DLG2: variants seen among roughly 807,000 people sequenced by gnomAD.
The protein encoded by DLG2 is disks large homolog 2.
In DLG2, 45 loss-of-function variants were observed where a neutral mutation model predicts 132.5. The ratio of observed to expected loss-of-function variants is 0.34; its 90% confidence interval spans 0.27 to 0.44. The LOEUF is 0.44. DLG2 is among the 20% of genes least tolerant of loss of function. The pLI is 1.00. For missense variants in DLG2, 1,045 were observed against 1,196.9 expected (o/e 0.87, Z 1.87); for synonymous variants, 424 against 419.6 (o/e 1.01, Z -0.13).
At chr11:83,942,543 A>C (rs192839168) in intron 14 of DLG2, among the ~76,000 whole-genome samples, 17 of 152,332 alleles carry the variant, frequency 1.1e-4, no homozygotes, top group Admixed American at 3.3e-4. Flanking sequence ...AATGACATTA[A>C]GAATTATTAA....
At chr11:85,366,991 T>C (rs2084608829) in intron 3 of DLG2, among the ~76,000 whole-genome samples, 1 of 152,154 alleles carries the variant, frequency 6.6e-6, no homozygotes, top group Non-Finnish European at 1.5e-5. Context: ...TTTTTTATAG[T>C]ATACTTCCAG....
In DLG2 at chr11:84,861,642, A is replaced by AAAC. The variant is rs796104098; in HGVS notation, c.357+250018_357+250019insGTT. Among the ~76,000 whole-genome samples, 274 of 128,316 alleles carry AAAC rather than the reference A, an allele frequency of 2.1e-3. 4 individuals are homozygous for AAAC. In the East Asian group the frequency reaches 0.035, roughly 16 times the overall value. The allele number at this position is 128,316 out of a possible 152,430, so 84.2% of individuals were successfully genotyped here. A position where few individuals can be genotyped will look rare whatever the true frequency, so the allele number is the denominator to read the frequency against. On this transcript the variant is annotated intron_variant, in intron 6 of 27. Transcript: ENST00000376104. ...GCAAAAAAAAAAAAAAAAAAAAACAAAAAAAAAAACCTATCAGAGGGAACA... is the reference window on the plus strand; with the variant it reads ...GCAAAAAAAAAAAAAAAAAAAAACAAAACAAAAAAAAACCTATCAGAGGGAACA...
intron 6 of DLG2, among the ~76,000 whole-genome samples, chr11:84,792,533 T>C (rs759001638): frequency 2.0e-5 from 3 of 152,128 alleles, no homozygotes; most frequent in Non-Finnish European, 4.4e-5. Context: ...TAGAATTAAG[T>C]AGTGAAACCA....
intron 18 of DLG2, chr11:83,684,535 A>G (rs186063783): frequency 2.2e-4 from 34 of 152,318 alleles, no homozygotes; most frequent in African/African-American, 8.2e-4. Context: ...AGTAGGTACT[A>G]TAGGAGCAGA....
At chr11:84,677,413 T>C (rs769732826) in intron 6 of DLG2, among the ~76,000 whole-genome samples, 1 of 152,018 alleles carries the variant, frequency 6.6e-6, no homozygotes, top group Non-Finnish European at 1.5e-5. Flanking sequence ...GAAGACATCA[T>C]TATAAGAAAT....
intron 18 of DLG2, among the ~76,000 whole-genome samples, chr11:83,685,981 ACT>A (rs2079679790): frequency 6.6e-6 from 1 of 151,456 alleles, no homozygotes; most frequent in Non-Finnish European, 1.5e-5. Flanking sequence ...AATCCTGTCA[ACT>A]CTGTCTTCAA....
intron 22 of DLG2, among the ~76,000 whole-genome samples, chr11:83,479,562 G>C (rs941913986): frequency 6.6e-6 from 1 of 152,030 alleles, no homozygotes; most frequent in African/African-American, 2.4e-5. Flanking sequence ...GTAAAAATAT[G>C]TATCTATGTT....
chr11:83,646,058 G>A (rs1214568553), intron 18 of DLG2, among the ~76,000 whole-genome samples: 2 of 152,038 alleles, frequency 1.3e-5, no homozygotes, highest in African/African-American at 4.8e-5. Context: ...ATCTACTTAT[G>A]TTTGATTGAT....
intron 6 of DLG2, among the ~76,000 whole-genome samples, chr11:84,625,274 C>T (rs1432749273): frequency 1.3e-5 from 2 of 152,148 alleles, no homozygotes; most frequent in Non-Finnish European, 2.9e-5. Context: ...CACTATTCAT[C>T]ACAGATGACT....
intron 4 of DLG2, among the ~76,000 whole-genome samples, chr11:85,192,095 T>C (rs1216248618): frequency 6.6e-6 from 1 of 152,160 alleles, no homozygotes; most frequent in Non-Finnish European, 1.5e-5. Context: ...TTTACACGCT[T>C]ATCATGGTGG....
At chr11:84,240,807 C>A (rs1433732523) in intron 8 of DLG2, among the ~76,000 whole-genome samples, 1 of 152,114 alleles carries the variant, frequency 6.6e-6, no homozygotes, top group African/African-American at 2.4e-5. Flanking sequence ...TGTTTCAGGG[C>A]ACCTACAATA....
chr11:84,796,214 C>A (rs964662936), intron 6 of DLG2, among the ~76,000 whole-genome samples: 1 of 152,054 alleles, frequency 6.6e-6, no homozygotes. Flanking sequence ...CTCTTGAATT[C>A]CATAAATATA....
At chr11:84,384,072 A>G (rs898844301) in intron 7 of DLG2, among the ~76,000 whole-genome samples, 3 of 147,532 alleles carry the variant, frequency 2.0e-5, no homozygotes, top group Non-Finnish European at 3.0e-5. Context: ...TCTAGCATCT[A>G]GTATAGGAAG....
intron 3 of DLG2, among the ~76,000 whole-genome samples, chr11:85,476,099 T>A (rs899121932): frequency 7.9e-5 from 12 of 152,132 alleles, no homozygotes; most frequent in Non-Finnish European, 1.8e-4. Flanking sequence ...TACACCCTAC[T>A]ACACACTTAG....
At chr11:85,518,075 C>G (rs189887120) in intron 3 of DLG2, among the ~76,000 whole-genome samples, 1 of 152,114 alleles carries the variant, frequency 6.6e-6, no homozygotes, top group African/African-American at 2.4e-5. Flanking sequence ...GTAAATTACC[C>G]AATCTCAGGT....
chr11:84,252,709 T>C (rs2097404016), intron 7 of DLG2, among the ~76,000 whole-genome samples: 1 of 152,190 alleles, frequency 6.6e-6, no homozygotes, highest in African/African-American at 2.4e-5. Flanking sequence ...AGAGCTATCT[T>C]TACTTTTTAG....
chr11:84,377,593 C>T (rs2098734284), intron 7 of DLG2, among the ~76,000 whole-genome samples: 2 of 151,566 alleles, frequency 1.3e-5, no homozygotes, highest in Admixed American at 1.3e-4. Flanking sequence ...AAAATAAAAA[C>T]ATAAAAAGAA....
chr11:83,503,947 A>T (rs911234819), intron 21 of DLG2, among the ~76,000 whole-genome samples: 1 of 152,202 alleles, frequency 6.6e-6, no homozygotes, highest in Non-Finnish European at 1.5e-5. Context: ...TACACCTAAC[A>T]TAATACAACT....
At chr11:83,920,954 T>C (rs1453743408) in intron 15 of DLG2, among the ~76,000 whole-genome samples, 1 of 152,152 alleles carries the variant, frequency 6.6e-6, no homozygotes, top group Non-Finnish European at 1.5e-5. Context: ...GGGGTGTACT[T>C]TTCTCTGAAG....
Sources: gnomAD v4.1 joint callset for allele counts (sites outside exome capture counted in the v4.1 genomes callset) on GRCh38, gnomAD v4.1.1 for gene constraint, MANE v1.5 for transcripts, NCBI Gene and HGNC (gene_info 2026-07-23, HGNC 2026-07-21) for gene names.